Variants in WDR1 observed in about 807,000 individuals in gnomAD.
WDR1 encodes WD repeat-containing protein 1.
Under a neutral mutation model 71.9 loss-of-function variants are expected in WDR1, and 21 were observed. The ratio of observed to expected loss-of-function variants is 0.29; its 90% CI spans 0.21 to 0.42. The LOEUF is 0.42. Among genes scored for constraint, WDR1 ranks in the 10% least tolerant of loss-of-function variants. The pLI is 1.00. For synonymous variants in WDR1, 424 were observed against 347.4 expected (o/e 1.22, Z -2.45); for missense variants, 696 against 824.5 (o/e 0.84, Z 1.91).
chr4:10,078,967 C>T lies in WDR1; in HGVS notation c.1319G>A (p.Ser440Asn). ...VLLKDQRKCF[S>N]IDNPGYEPEV... The stretch of plus-strand genomic sequence containing the variant: ...GGGCTCGTAGCCGGGGTTGTCGATG[C>T]TGAAGCACTTCCTCTGATCCTTCAG... Residue 440 changes from serine to asparagine, a missense_variant, in exon 12 of 15, where the codon AGC becomes AAC. By Grantham distance (46) the Ser-to-Asn change is conservative (BLOSUM62 1). Transcript: ENST00000499869. The T allele has an allele frequency of 3.1e-6, 5 of 1,612,116 alleles. No homozygotes were observed. Among genetic ancestry groups the T allele is most frequent in the Non-Finnish European group, 4.2e-6 (5 of 1,178,894 alleles).
chr4:10,102,167 C>T (rs1293827976), intron 3 of WDR1, among the ~76,000 whole-genome samples: 1 of 152,218 alleles, frequency 6.6e-6, no homozygotes, highest in African/African-American at 2.4e-5. Flanking sequence ...GGGTAAGTAC[C>T]CATTAGTGCA....
chr4:10,096,904 C>T lies in WDR1; in HGVS notation c.558+807G>A, dbSNP rs373844603. 5.9e-5 allele frequency among the ~76,000 whole-genome samples: 9 copies of T among 152,316 alleles called. No homozygotes were observed. The South Asian group carries it at 1.9e-3, about 32-fold the overall frequency. On this transcript the variant is annotated intron_variant, in intron 5 of 14. Transcript: ENST00000499869. The stretch of plus-strand genomic sequence containing the variant: ...GTCCATTGTTCTTGTCCATCCTCAG[C>T]GCAAGCACAAGCGGGATGGGGAAAG...
At chr4:10,090,546 C>A (rs1711900780) in intron 5 of WDR1, among the ~76,000 whole-genome samples, 1 of 152,202 alleles carries the variant, frequency 6.6e-6, no homozygotes, top group Non-Finnish European at 1.5e-5. Flanking sequence ...ACAAAAGCAA[C>A]CCTGGGCTTC....
chr4:10,075,972 A>G (rs951282283), intron 14 of WDR1: 1 of 160,636 alleles, frequency 6.2e-6, no homozygotes, highest in African/African-American at 2.4e-5. Context: ...GTGGGTGAAC[A>G]GATTCGATTC....
At chr4:10,103,547 A>T (rs1341985009) in intron 3 of WDR1, among the ~76,000 whole-genome samples, 1 of 152,170 alleles carries the variant, frequency 6.6e-6, no homozygotes, top group Non-Finnish European at 1.5e-5. Flanking sequence ...CCACAGATAA[A>T]ATACACTAAT....
chr4:10,078,909 C>G lies in WDR1; in HGVS notation c.1377G>C (p.Thr459=). The G allele has an allele frequency of 1.2e-6, 2 of 1,612,518 alleles. No homozygotes were observed. The highest frequency in any genetic ancestry group is 1.7e-6 in the Non-Finnish European group (2 of 1,179,182). The part of the protein sequence containing the change: ...EVVAVHPGGD[T]VAIGGVDGNV... Reference sequence around the variant, plus strand: ...GACTTACCACACCCCCAATTGCCACCGTGTCCCCGCCGGGGTGCACTGCCA... The same window carrying G: ...GACTTACCACACCCCCAATTGCCACGGTGTCCCCGCCGGGGTGCACTGCCA... Residue 459 remains threonine, a synonymous_variant, in exon 12 of 15, where the codon ACG becomes ACC. Coordinates refer to ENST00000499869, the MANE Select transcript of WDR1 (RefSeq NM_017491.5).
In WDR1 at chr4:10,099,084, C is replaced by T; in HGVS notation, c.285G>A (p.Lys95=). Residue 95 remains lysine (K), a synonymous_variant, in exon 4 of 15, where the codon AAG becomes AAA. Transcript: ENST00000499869. The part of the protein sequence containing the change: ...WDTTQKEHLL[K]YEYQPFAGKI... The stretch of plus-strand genomic sequence containing the variant: ...TCCCAGCGAAAGGCTGGTACTCATA[C>T]TTCAACAGGTGCTCCTTCTGCGTGG... 1 of 1,606,480 alleles carries T rather than the reference C, an allele frequency of 6.2e-7. No homozygotes were observed. The highest frequency in any genetic ancestry group is 8.5e-7 in the Non-Finnish European group (1 of 1,175,570).
intron 2 of WDR1, among the ~76,000 whole-genome samples, chr4:10,112,574 A>C (rs759759894): frequency 3.9e-5 from 6 of 152,224 alleles, no homozygotes; most frequent in Non-Finnish European, 8.8e-5. Flanking sequence ...CTGGGTTCAC[A>C]AAACAGCTTT....
chr4:10,105,440 T>C (rs1712958462), intron 2 of WDR1, among the ~76,000 whole-genome samples: 1 of 152,234 alleles, frequency 6.6e-6, no homozygotes. Flanking sequence ...TTTGGGATAA[T>C]CGTTCGCCAG....
intron 14 of WDR1, chr4:10,076,155 G>C (rs1311982535): frequency 6.6e-6 from 1 of 152,654 alleles, no homozygotes; most frequent in African/African-American, 2.4e-5. Context: ...CCAGCCTCTA[G>C]ATCTGCAGCC....
chr4:10,113,293 G>A lies in WDR1; in HGVS notation c.138+2820C>T, dbSNP rs376565796. 3.1e-4 allele frequency among the ~76,000 whole-genome samples: 47 copies of A among 152,296 alleles called. No individual in the cohort carries two copies. The Middle Eastern group carries it at 0.017, about 55-fold the overall frequency. Reference sequence around the variant, plus strand: ...GGAGATTTGCCTGAACCCGGCAGGTGGAGGTTGCAGTGACCCAAGATCACG... The same window carrying A: ...GGAGATTTGCCTGAACCCGGCAGGTAGAGGTTGCAGTGACCCAAGATCACG... On this transcript the variant is annotated intron_variant, in intron 2 of 14. Coordinates refer to ENST00000499869, the MANE Select transcript of WDR1 (RefSeq NM_017491.5).
At chr4:10,088,770 A>C in intron 5 of WDR1, 29 bp from the exon 6 acceptor site, 1 of 1,533,432 alleles carries the variant, frequency 6.5e-7, no homozygotes, top group Non-Finnish European at 8.9e-7. Context: ...CTGCCTGATG[A>C]GGGGCCGCAG....
At chr4:10,093,212 C>A in intron 5 of WDR1, 1 of 1,212,156 alleles carries the variant, frequency 8.2e-7, no homozygotes, top group Non-Finnish European at 1.1e-6. Flanking sequence ...CACCCCATTC[C>A]CCCCAGCCTC....
intron 12 of WDR1, 109 bp downstream of exon 12, chr4:10,078,780 CCT>C (rs748814482): frequency 1.4e-5 from 13 of 926,880 alleles, no homozygotes; most frequent in South Asian, 5.1e-5. Flanking sequence ...CCATCCTTCC[CCT>C]GACCCCTCGC....
At chr4:10,115,312 G>A (rs1016077267) in intron 2 of WDR1, among the ~76,000 whole-genome samples, 2 of 152,222 alleles carry the variant, frequency 1.3e-5, no homozygotes, top group African/African-American at 4.8e-5. Flanking sequence ...AATTACAGAG[G>A]AATAACATGA....
At chr4:10,109,983 G>A (rs1479332079) in intron 2 of WDR1, among the ~76,000 whole-genome samples, 1 of 152,182 alleles carries the variant, frequency 6.6e-6, no homozygotes, top group Non-Finnish European at 1.5e-5. Context: ...CACTCTCGCA[G>A]GCATGGAAAC....
chr4:10,115,925 A>T, intron 2 of WDR1, 188 bp downstream of exon 2: 1 of 689,278 alleles, frequency 1.5e-6, no homozygotes, highest in South Asian at 2.0e-5. Flanking sequence ...AAGAAGGAGC[A>T]GACAAGGACC....
chr4:10,082,354 T>C (rs188421963), intron 10 of WDR1, among the ~76,000 whole-genome samples: 1 of 151,098 alleles, frequency 6.6e-6, no homozygotes, highest in African/African-American at 2.4e-5. Context: ...GACTACCGGG[T>C]GACAAAGGGG....
At chr4:10,107,137 CCCTGGGGG>C (rs780338788) in intron 2 of WDR1, among the ~76,000 whole-genome samples, 9 of 152,308 alleles carry the variant, frequency 5.9e-5, no homozygotes, top group African/African-American at 4.8e-5. Flanking sequence ...CTCCCCATCT[CCCTGGGGG>C]CCTGGGGGAG....
Sources: allele counts gnomAD v4.1 joint callset (sites outside exome capture counted in the v4.1 genomes callset), GRCh38; gene constraint gnomAD v4.1.1; transcripts MANE v1.5; gene names NCBI Gene and HGNC (gene_info 2026-07-23, HGNC 2026-07-21).